Variants in NBAS observed in about 807,000 individuals in gnomAD.
NBAS encodes the protein NBAS subunit of NRZ tethering complex.
In NBAS, 219 loss-of-function variants were observed where a neutral mutation model predicts 302.5. The observed-to-expected ratio is 0.72, with a 90% CI of 0.65 to 0.81. The LOEUF (loss-of-function observed/expected upper bound fraction) is 0.81, where lower values mean the gene tolerates loss of function less well. Among genes scored for constraint, NBAS ranks in the 30% least tolerant of loss-of-function variants. NBAS has a pLI of 0.00. For missense variants in NBAS, 2,932 were observed against 2,841.6 expected, an observed-to-expected ratio of 1.03 and a Z score of -0.72; for synonymous variants, 1,118 against 1,021.6, an observed-to-expected ratio of 1.09 and a Z score of -1.80.
chr2:15,279,755 C>G (rs80210747), intron 42 of NBAS, among the ~76,000 whole-genome samples: 4,557 of 152,234 alleles, frequency 0.03, 226 homozygotes, highest in African/African-American at 0.1. Flanking sequence ...CCAAACCTCC[C>G]TTTTCAGTAA....
the NBAS span, among the ~76,000 whole-genome samples, chr2:15,099,805 C>T: frequency 6.6e-6 from 1 of 151,920 alleles, no homozygotes; most frequent in Admixed American, 6.6e-5. Flanking sequence ...TTTTAATAAT[C>T]TCTCATTTTT....
At position 15,396,468 on chromosome 2, in the gene NBAS, T is replaced by C. The variant is rs1363403170; in HGVS notation, c.3079A>G (p.Thr1027Ala). 3.2e-6 allele frequency: 5 copies of C among 1,587,266 alleles called. No homozygotes were observed. Among genetic ancestry groups the C allele is most frequent in the Non-Finnish European group, 4.3e-6 (5 of 1,169,818 alleles). The change falls in exon 27 of 52, where the codon ACA becomes GCA. Residue 1027 changes from threonine (T) to alanine (A), a missense_variant. Thr to Ala is a moderately conservative substitution (Grantham distance 58). Coordinates refer to ENST00000281513, the MANE Select transcript of NBAS (RefSeq NM_015909.4). ...CLPERGYGDK[T>A]EATTKLHDMV... is the part of the protein sequence containing the mutation. The stretch of plus-strand genomic sequence containing the variant: ...TCATGAAGCTTTGTGGTTGCCTCTG[T>C]CTTATCACTAATAAATTAAAAGAAG...
At chr2:14,862,280 G>A in the NBAS span, among the ~76,000 whole-genome samples, 1 of 151,676 alleles carries the variant, frequency 6.6e-6, no homozygotes, top group African/African-American at 2.4e-5. Context: ...CAACACACCT[G>A]GCTAATTTTT....
chr2:15,227,279 T>C (rs1667186486), intron 47 of NBAS, among the ~76,000 whole-genome samples: 1 of 152,070 alleles, frequency 6.6e-6, no homozygotes, highest in Non-Finnish European at 1.5e-5. Context: ...AAAAAATACC[T>C]AATAATATAC....
At position 15,415,680 on chromosome 2, in the gene NBAS, T is replaced by C. The variant is rs2148459486; in HGVS notation, c.2803A>G (p.Met935Val). The C allele has an allele frequency of 1.2e-6, 2 of 1,614,176 alleles. No homozygotes were observed. Among genetic ancestry groups the C allele is most frequent in the Non-Finnish European group, 1.7e-6 (2 of 1,180,026 alleles). ...TCACAACGATGAAGAAAGGGAACCA[T>C]CCACTGGTAGGCACTTGTCACATAT... ...DKYVTSAYQW[M>V]VPFLHRCEKQ... The change falls in exon 25 of 52, where the codon ATG (methionine) becomes GTG (valine). Residue 935 changes from methionine to valine, a missense_variant. Met to Val is a conservative substitution (Grantham distance 21). Coordinates refer to ENST00000281513, the MANE Select transcript of NBAS (RefSeq NM_015909.4).
At chr2:15,146,531 C>G in the NBAS span, among the ~76,000 whole-genome samples, 2 of 152,164 alleles carry the variant, frequency 1.3e-5, no homozygotes, top group South Asian at 4.1e-4. Context: ...AGCTGCTCAC[C>G]ACAAGGGGCT....
the NBAS span, among the ~76,000 whole-genome samples, chr2:14,793,183 G>T: frequency 1.5e-4 from 23 of 151,960 alleles, no homozygotes; most frequent in African/African-American, 5.6e-4. Context: ...TTGGTACCTT[G>T]CTCTTGAACT....
At chr2:15,110,036 T>C in the NBAS span, among the ~76,000 whole-genome samples, 1 of 152,088 alleles carries the variant, frequency 6.6e-6, no homozygotes, top group Admixed American at 6.6e-5. Flanking sequence ...TTTTTAAGTG[T>C]GAATACATGG....
At chr2:15,042,252 G>A in the NBAS span, among the ~76,000 whole-genome samples, 2 of 152,212 alleles carry the variant, frequency 1.3e-5, no homozygotes, top group Non-Finnish European at 2.9e-5. Flanking sequence ...AGCAAGAAAT[G>A]CAAAGAGATG....
In NBAS at chr2:15,240,571, C is replaced by T. The variant is rs573945245; in HGVS notation, c.5725-1885G>A. ...GGCGGAGGCTGCAGTGAGCCGAGAT[C>T]GCACCGCTGCACTCCAGACTGGGAG... On this transcript the variant is annotated intron_variant, in intron 44 of 51. Coordinates refer to ENST00000281513, the MANE Select transcript of NBAS (RefSeq NM_015909.4). 1.4e-3 allele frequency among the ~76,000 whole-genome samples: 213 copies of T among 151,976 alleles called. 2 individuals carry two copies. Among genetic ancestry groups the T allele is most frequent in the Non-Finnish European group, 2.0e-3 (136 of 67,976 alleles).
At chr2:15,183,430 C>T (rs1235702158) in intron 50 of NBAS, among the ~76,000 whole-genome samples, 2 of 152,164 alleles carry the variant, frequency 1.3e-5, no homozygotes, top group Non-Finnish European at 2.9e-5. Flanking sequence ...ATGATAACGA[C>T]CTACTTTGCA....
the NBAS span, among the ~76,000 whole-genome samples, chr2:15,150,272 C>T: frequency 3.2e-3 from 492 of 152,118 alleles, 3 homozygotes; most frequent in Non-Finnish European, 4.4e-3. Flanking sequence ...ATTCTCAGAA[C>T]GCTAATGAAG....
chr2:15,001,721 G>A, the NBAS span, among the ~76,000 whole-genome samples: 1 of 152,104 alleles, frequency 6.6e-6, no homozygotes, highest in African/African-American at 2.4e-5. Context: ...TGGCGCGTCT[G>A]GAGTTTGTTC....
At chr2:15,277,243 C>T (rs1669628398) in intron 42 of NBAS, 142 bp from the exon 43 acceptor site, 1 of 1,047,848 alleles carries the variant, frequency 9.5e-7, no homozygotes, top group Non-Finnish European at 1.4e-6. Context: ...CACCAGAAGC[C>T]AGTCAGCCTG....
the NBAS span, among the ~76,000 whole-genome samples, chr2:14,961,371 T>G: frequency 3.9e-5 from 6 of 152,146 alleles, no homozygotes; most frequent in Non-Finnish European, 8.8e-5. Context: ...AATGGCTTGG[T>G]GCCACACTGG....
intron 9 of NBAS, among the ~76,000 whole-genome samples, chr2:15,530,887 G>A (rs7604816): frequency 0.62 from 93,502 of 150,864 alleles, 29,721 homozygotes; most frequent in Non-Finnish European, 0.68. Flanking sequence ...AACGCCAGGG[G>A]AAAAAAAAAG....
the NBAS span, among the ~76,000 whole-genome samples, chr2:15,121,199 C>T: frequency 5.3e-5 from 8 of 152,172 alleles, no homozygotes; most frequent in East Asian, 1.9e-4. Context: ...CATTCTAAGA[C>T]GGTGGCCTGC....
At chr2:14,913,849 A>G in the NBAS span, among the ~76,000 whole-genome samples, 1 of 152,202 alleles carries the variant, frequency 6.6e-6, no homozygotes, top group Non-Finnish European at 1.5e-5. Context: ...ATTACCTCCT[A>G]TTCATCCCAT....
At chr2:15,424,181 A>C in intron 23 of NBAS, 134 bp downstream of exon 23, 9 of 1,076,764 alleles carry the variant, frequency 8.4e-6, no homozygotes, top group East Asian at 7.4e-5. Context: ...CAAAGAAATA[A>C]ATATTCAATT....
Sources: allele counts gnomAD v4.1 joint callset (sites outside exome capture counted in the v4.1 genomes callset), GRCh38; gene constraint gnomAD v4.1.1; transcripts MANE v1.5; gene names NCBI Gene and HGNC (gene_info 2026-07-23, HGNC 2026-07-21).